The following KCNK3 variants were observed in gnomAD, a reference collection of about 807,000 sequenced individuals.
The protein encoded by KCNK3 is potassium two pore domain channel subfamily K member 3, also known as potassium channel subfamily K member 3.
Under a neutral mutation model 27.3 loss-of-function variants are expected in KCNK3, and 9 were observed. The ratio of observed to expected loss-of-function variants is 0.33; its 90% CI spans 0.20 to 0.57. The LOEUF is 0.57. Ranked by LOEUF, KCNK3 falls within the 20% of genes least tolerant of loss-of-function variation. The pLI is 0.87. For synonymous variants in KCNK3, 278 were observed against 273.8 expected, an observed-to-expected ratio of 1.02 and a Z score of -0.15; for missense variants, 391 against 577.7, an observed-to-expected ratio of 0.68 and a Z score of 3.31.
intron 1 of KCNK3, among the ~76,000 whole-genome samples, chr2:26,726,352 T>C (rs1451091055): frequency 6.6e-6 from 1 of 152,050 alleles, no homozygotes; most frequent in Non-Finnish European, 1.5e-5. Context: ...GGTGGTAATA[T>C]TGGCCCTGGA....
At chr2:26,715,189 A>T (rs1399962063) in intron 1 of KCNK3, among the ~76,000 whole-genome samples, 1 of 152,254 alleles carries the variant, frequency 6.6e-6, no homozygotes, top group Non-Finnish European at 1.5e-5. Flanking sequence ...TGAGTCATGG[A>T]AACTTTCTGT....
At position 26,721,328 on chromosome 2, in the gene KCNK3, G is replaced by A. The variant is rs1032570963; in HGVS notation, c.284-6339G>A. ...GGTTCTCGGGAAAGGCAGTGTCTGA[G>A]CTGCATCTCACAGGAGGAGGGAGAG... On this transcript the variant is annotated intron_variant, in intron 1 of 1. Transcript: ENST00000302909. The surrounding 1 kb of genome is among the most constrained non-coding windows in gnomAD (Gnocchi z 4.3). 2.6e-5 allele frequency among the ~76,000 whole-genome samples: 4 copies of A among 152,126 alleles called. No individual in the cohort carries two copies. Among genetic ancestry groups the A allele is most frequent in the Non-Finnish European group, 5.9e-5 (4 of 68,004 alleles).
chr2:26,720,237 A>G (rs562629534), intron 1 of KCNK3, among the ~76,000 whole-genome samples: 1 of 152,348 alleles, frequency 6.6e-6, no homozygotes, highest in South Asian at 2.1e-4. Flanking sequence ...CCTGGGCAAC[A>G]CAGCGAGATT....
chr2:26,712,390 C>T (rs1426354458), intron 1 of KCNK3, among the ~76,000 whole-genome samples: 3 of 152,154 alleles, frequency 2.0e-5, no homozygotes, highest in East Asian at 1.9e-4. Flanking sequence ...TATGTTTCTA[C>T]GGAGAGTGGT....
At chr2:26,699,991 A>T (rs781216114) in intron 1 of KCNK3, among the ~76,000 whole-genome samples, 1 of 152,220 alleles carries the variant, frequency 6.6e-6, no homozygotes, top group Non-Finnish European at 1.5e-5. Flanking sequence ...ATGTGAGCAC[A>T]GCTAGCGGTG....
chr2:26,728,505 G>T lies in KCNK3; in HGVS notation c.1122G>T (p.Val374=). 6.6e-7 allele frequency: 1 copy of T among 1,525,734 alleles called. No homozygotes were observed. Among genetic ancestry groups the T allele is most frequent in the Non-Finnish European group, 8.8e-7 (1 of 1,133,768 alleles). 94.5% of individuals were successfully genotyped at this position (1,525,734 alleles called of 1,614,324 possible). A position where few individuals can be genotyped will look rare whatever the true frequency, so the allele number is the denominator to read the frequency against. The change falls in exon 2 of 2, where the codon GTG becomes GTT. Residue 374 remains valine (V), a synonymous_variant. Coordinates refer to ENST00000302909, the MANE Select transcript of KCNK3 (RefSeq NM_002246.3). ...SGAPRSAISS[V]STGLHSLSTF... is the part of the protein sequence containing the mutation. ...CGCCACGCTCCGCCATCAGCTCGGT[G>T]TCCACGGGTCTGCACAGCCTGTCCA...
rs759941263 is a variant in KCNK3 at position 26,728,498 on chromosome 2, G to C, written c.1115G>C (p.Ser372Thr). The C allele has an allele frequency of 2.0e-6, 3 of 1,532,624 alleles. No individual in the cohort carries two copies. Among genetic ancestry groups the C allele is most frequent in the Middle Eastern group, 1.8e-4 (1 of 5,700 alleles). The allele number at this position is 1,532,624 out of a possible 1,614,324, so 94.9% of individuals were successfully genotyped here. A position where few individuals can be genotyped will look rare whatever the true frequency, so the allele number is the denominator to read the frequency against. The change falls in exon 2 of 2, where the codon AGC (serine) becomes ACC (threonine). Residue 372 changes from serine to threonine, a missense_variant. Physicochemically the swap from Ser to Thr is moderately conservative, Grantham distance 58. Around this residue, in one of 4 missense-constraint regions of KCNK3, gnomAD observed 192 missense variants for 196.0 expected, o/e 0.98. Coordinates refer to ENST00000302909, the MANE Select transcript of KCNK3 (RefSeq NM_002246.3). Reference protein sequence around the residue: ...LCSGAPRSAISSVSTGLHSLS... With the variant: ...LCSGAPRSAITSVSTGLHSLS... ...AGCGGGGCGCCACGCTCCGCCATCA[G>C]CTCGGTGTCCACGGGTCTGCACAGC...
intron 1 of KCNK3, among the ~76,000 whole-genome samples, chr2:26,695,564 G>A (rs1254871447): frequency 1.3e-5 from 2 of 152,202 alleles, no homozygotes; most frequent in East Asian, 3.9e-4. Context: ...GAAGTGTTTT[G>A]TCTCTTTGAC....
chr2:26,707,661 G>A (rs1324082038), intron 1 of KCNK3, among the ~76,000 whole-genome samples: 2 of 152,178 alleles, frequency 1.3e-5, no homozygotes, highest in African/African-American at 4.8e-5. Context: ...GATGGGGTGA[G>A]TTCAGGGTGC....
chr2:26,703,346 A>C (rs1670332758), intron 1 of KCNK3, among the ~76,000 whole-genome samples: 1 of 152,224 alleles, frequency 6.6e-6, no homozygotes, highest in Non-Finnish European at 1.5e-5. Flanking sequence ...TTGGTATTGG[A>C]TTGAACAACT....
chr2:26,707,232 C>G (rs1170991543), intron 1 of KCNK3, among the ~76,000 whole-genome samples: 4 of 152,194 alleles, frequency 2.6e-5, no homozygotes, highest in African/African-American at 9.6e-5. Flanking sequence ...AGCCTCCCAC[C>G]CGGACAGGGT....
intron 1 of KCNK3, among the ~76,000 whole-genome samples, chr2:26,710,611 G>A (rs1663093706): frequency 1.3e-5 from 2 of 152,262 alleles, no homozygotes; most frequent in African/African-American, 4.8e-5. Flanking sequence ...CAGGAGATGG[G>A]GGCCTGTCCA....
intron 1 of KCNK3, among the ~76,000 whole-genome samples, chr2:26,726,270 A>T (rs987409541): frequency 1.5e-4 from 23 of 152,118 alleles, no homozygotes; most frequent in Admixed American, 1.4e-3. Context: ...GACAAGACCC[A>T]TCAGTGCCAC....
intron 1 of KCNK3, among the ~76,000 whole-genome samples, chr2:26,705,752 G>T: frequency 6.6e-6 from 1 of 152,120 alleles, no homozygotes; most frequent in Non-Finnish European, 1.5e-5. Flanking sequence ...CACTGAACAG[G>T]ATGGGAATCT....
Position 26,692,760 on chromosome 2 carries a change from C to T in KCNK3, c.-116C>T. On this transcript the variant is annotated 5_prime_UTR_variant, in exon 1 of 2. Coordinates refer to ENST00000302909, the MANE Select transcript of KCNK3 (RefSeq NM_002246.3). The surrounding 1 kb of genome is among the most constrained non-coding windows in gnomAD (Gnocchi z 5.6). Reference sequence around the variant, plus strand: ...CCGGGCGCTGAGCGGGTGCCCGGCGCGGAGAGCGGCGAGCGCAGCCATGCC... The same window carrying T: ...CCGGGCGCTGAGCGGGTGCCCGGCGTGGAGAGCGGCGAGCGCAGCCATGCC... 2 of 507,976 alleles carry T rather than the reference C, an allele frequency of 3.9e-6. No homozygotes were observed. The highest frequency in any genetic ancestry group is 5.1e-6 in the Non-Finnish European group (2 of 395,628). The allele number at this position is 507,976 out of a possible 1,614,324, so 31.5% of individuals were successfully genotyped here.
intron 1 of KCNK3, among the ~76,000 whole-genome samples, chr2:26,717,444 C>G (rs968180513): frequency 1.3e-5 from 2 of 152,318 alleles, no homozygotes; most frequent in South Asian, 4.1e-4. Context: ...AGCCAGATGC[C>G]AGCGTCATGG....
chr2:26,699,352 G>A (rs539219958), intron 1 of KCNK3, among the ~76,000 whole-genome samples: 49 of 152,238 alleles, frequency 3.2e-4, no homozygotes, highest in African/African-American at 1.1e-3. Flanking sequence ...TGCAGGTCCC[G>A]TTTCCACGCA....
rs891255576 is a variant in KCNK3, at chr2:26,692,799, G to C, written c.-77G>C. On this transcript the variant is annotated 5_prime_UTR_variant, in exon 1 of 2. Transcript: ENST00000302909. The surrounding 1 kb of genome is among the most constrained non-coding windows in gnomAD (Gnocchi z 5.6). ...CGCAGCCATGCCCCAGGCCGCCTCC[G>C]GGGCAGCAGCAGCGGCGGCCGGGGC... 5 of 843,070 alleles carry C rather than the reference G, an allele frequency of 5.9e-6. No individual in the cohort carries two copies. The highest frequency in any genetic ancestry group is 7.1e-6 in the Non-Finnish European group (5 of 700,354). 52.2% of individuals were successfully genotyped at this position (843,070 alleles called of 1,614,324 possible).
At chr2:26,717,142 G>A (rs1186065419) in intron 1 of KCNK3, among the ~76,000 whole-genome samples, 2 of 152,212 alleles carry the variant, frequency 1.3e-5, no homozygotes, top group Admixed American at 1.3e-4. Flanking sequence ...GTAGAGCTAG[G>A]ATGGTAGCCA....
Sources: gnomAD v4.1 joint callset for allele counts (sites outside exome capture counted in the v4.1 genomes callset) on GRCh38, gnomAD v4.1.1 for gene constraint, gnomAD v4.1.1 regional missense constraint, Gnocchi (gnomAD v3.1) non-coding constraint, MANE v1.5 for transcripts, NCBI Gene and HGNC (gene_info 2026-07-23, HGNC 2026-07-21) for gene names.